RAB11FIP3: variants seen among roughly 807,000 people sequenced by gnomAD.
RAB11FIP3 encodes the protein RAB11 family interacting protein 3.
A neutral mutation model predicts 77.8 loss-of-function variants in RAB11FIP3; 17 were observed. The observed-to-expected ratio is 0.22, with a 90% CI of 0.15 to 0.33. The LOEUF is 0.33. Ranked by LOEUF, RAB11FIP3 falls within the 10% of genes least tolerant of loss-of-function variation. The probability of loss-of-function intolerance (pLI) is 1.00; values close to 1 mark genes in which losing one functional copy is unlikely to be tolerated. For synonymous variants in RAB11FIP3, 437 were observed against 448.2 expected (o/e 0.98, Z 0.31); for missense variants, 1,005 against 1,011.2 (o/e 0.99, Z 0.08).
rs114284079 is a variant in RAB11FIP3, at chr16:458,771, C to T, written c.715-2633C>T. The stretch of plus-strand genomic sequence containing the variant: ...AGAGGGGCTTTCTTCAGGAGTCTGC[C>T]CCCTCTGTGGCTGAATGCTGCCTCC... On this transcript the variant is annotated intron_variant, in intron 1 of 13. Coordinates refer to ENST00000262305, the MANE Select transcript of RAB11FIP3 (RefSeq NM_014700.4). Among the ~76,000 whole-genome samples the T allele has an allele frequency of 4.2e-3, 631 of 151,766 alleles. 7 individuals are homozygous for T. Among genetic ancestry groups the T allele is most frequent in the African/African-American group, 0.015 (595 of 41,018 alleles).
intron 10 of RAB11FIP3, 115 bp downstream of exon 10, chr16:519,139 G>A (rs2141909007): frequency 1.7e-6 from 2 of 1,152,212 alleles, no homozygotes; most frequent in Middle Eastern, 4.6e-4. Context: ...CTGTGTGTGA[G>A]GGAACGGGGC....
Position 503,755 on chromosome 16 carries a change from CTG to C in RAB11FIP3, c.1395+660_1395+661del, listed in dbSNP as rs1187852047. Among the ~76,000 whole-genome samples, 16 of 152,160 alleles carry C rather than the reference CTG, an allele frequency of 1.1e-4. No individual in the cohort carries two copies. In the East Asian group the frequency reaches 3.1e-3, roughly 29 times the overall value. On this transcript the variant is annotated intron_variant, in intron 7 of 13. Transcript: ENST00000262305. ...GTTAGCCACGCATGGTGGCGGGCAACTGTAATCCCAGCTATTTGGGAGGCTGA... is the reference window on the plus strand; with the variant it reads ...GTTAGCCACGCATGGTGGCGGGCAACTAATCCCAGCTATTTGGGAGGCTGA...
Position 470,082 on chromosome 16 carries a change from C to T in RAB11FIP3, c.809-1213C>T, listed in dbSNP as rs146920820. On this transcript the variant is annotated intron_variant, in intron 2 of 13. Coordinates refer to ENST00000262305, the MANE Select transcript of RAB11FIP3 (RefSeq NM_014700.4). ...TGTGATTTCGGCTCCCTGAAACATCCGCCTCCCAGGTTCAAGTGATTCTCC... is the reference window on the plus strand; with the variant it reads ...TGTGATTTCGGCTCCCTGAAACATCTGCCTCCCAGGTTCAAGTGATTCTCC... 3.7e-3 allele frequency among the ~76,000 whole-genome samples: 562 copies of T among 152,084 alleles called. 3 individuals carry two copies. The highest frequency in any genetic ancestry group is 7.6e-3 in the Admixed American group (116 of 15,264).
rs1333977041 is a variant in RAB11FIP3, at chr16:506,992, G to A, written c.1499+1365G>A. 1.3e-5 allele frequency among the ~76,000 whole-genome samples: 2 copies of A among 152,096 alleles called. No individual in the cohort carries two copies. Among genetic ancestry groups the A allele is most frequent in the Non-Finnish European group, 2.9e-5 (2 of 68,006 alleles). Reference sequence around the variant, plus strand: ...TTTTGTTTTGTTTTTTGAGAGACAGGGCCTCGCTCTGTTGCTCAGGCTGAG... The same window carrying A: ...TTTTGTTTTGTTTTTTGAGAGACAGAGCCTCGCTCTGTTGCTCAGGCTGAG... On this transcript the variant is annotated intron_variant, in intron 8 of 13. Transcript: ENST00000262305. This position sits in a 1 kb window ranked among gnomAD's most constrained non-coding sequence, Gnocchi z 4.5.
chr16:454,259 G>C (rs1467148853), intron 1 of RAB11FIP3, among the ~76,000 whole-genome samples: 2 of 152,132 alleles, frequency 1.3e-5, no homozygotes, highest in African/African-American at 2.4e-5. Flanking sequence ...ATAGTAGTTG[G>C]TGCAAAGCTG....
intron 1 of RAB11FIP3, among the ~76,000 whole-genome samples, chr16:429,689 G>A (rs2055005773): frequency 1.3e-5 from 2 of 152,018 alleles, no homozygotes; most frequent in African/African-American, 2.4e-5. Context: ...TAGTAGAGAC[G>A]GTTTTGCCAT....
At chr16:442,088 C>T (rs1000522153) in intron 1 of RAB11FIP3, among the ~76,000 whole-genome samples, 8 of 152,214 alleles carry the variant, frequency 5.3e-5, no homozygotes, top group Non-Finnish European at 4.4e-5. Flanking sequence ...CCGCCCACTT[C>T]GGCCTCCCAA....
intron 7 of RAB11FIP3, 151 bp downstream of exon 7, chr16:503,248 C>T (rs1350737752): frequency 4.4e-5 from 27 of 613,230 alleles, no homozygotes; most frequent in Non-Finnish European, 6.7e-5. Context: ...CATCCAGCCC[C>T]GATGCTCTTT....
chr16:426,304 C>G lies in RAB11FIP3; in HGVS notation c.298C>G (p.Leu100Val), dbSNP rs1478158036. The change falls in exon 1 of 14, where the codon CTT (leucine) becomes GTT (valine). Residue 100 changes from leucine to valine, a missense_variant. Transcript: ENST00000262305. This position sits in a 1 kb window ranked among gnomAD's most constrained non-coding sequence, Gnocchi z 5.0. ...GCCGCGCTCCGGCCCGCGGGGGCAG[C>G]TTGCGAGCCCCGACGCCCCGGGCCC... ...PPPRSGPRGQ[L>V]ASPDAPGPGP... 7.8e-7 allele frequency: 1 copy of G among 1,285,934 alleles called. No homozygotes were observed. 79.7% of individuals were successfully genotyped at this position (1,285,934 alleles called of 1,614,324 possible).
Position 461,991 on chromosome 16 carries a change from T to A in RAB11FIP3, c.808+494T>A, listed in dbSNP as rs1471868719. On this transcript the variant is annotated intron_variant, in intron 2 of 13. Coordinates refer to ENST00000262305, the MANE Select transcript of RAB11FIP3 (RefSeq NM_014700.4). The surrounding 1 kb of genome is among the most constrained non-coding windows in gnomAD (Gnocchi z 4.5). ...CCGTACCACCATCGTTCCCTAGAGC[T>A]CAGTGTTTGTTTCCAGTCTTCCTTT... Among the ~76,000 whole-genome samples the A allele has an allele frequency of 6.6e-6, 1 of 152,168 alleles. No homozygotes were observed. Among genetic ancestry groups the A allele is most frequent in the Non-Finnish European group, 1.5e-5 (1 of 68,042 alleles).
chr16:437,312 T>TA (rs1002830724), intron 1 of RAB11FIP3, among the ~76,000 whole-genome samples: 1 of 151,698 alleles, frequency 6.6e-6, no homozygotes, highest in African/African-American at 2.4e-5. Context: ...CTCATGCCTG[T>TA]AATCCTAGCA....
In RAB11FIP3 at chr16:522,629, A is replaced by G. The variant is rs1368920698; in HGVS notation, c.*1790A>G. The G allele has an allele frequency of 6.6e-6, 1 of 152,216 alleles. No homozygotes were observed. Among genetic ancestry groups the G allele is most frequent in the African/African-American group, 2.4e-5 (1 of 41,450 alleles). The allele number at this position is 152,216 out of a possible 1,614,324, so 9.4% of individuals were successfully genotyped here. On this transcript the variant is annotated 3_prime_UTR_variant, in exon 14 of 14. Coordinates refer to ENST00000262305, the MANE Select transcript of RAB11FIP3 (RefSeq NM_014700.4). ...CTGCCTGGCTCTGCAGCTTGGTCAG[A>G]CTAAGACCCTTCCAAGGCCGTAGGA...
chr16:445,724 C>T (rs1596201358), intron 1 of RAB11FIP3, among the ~76,000 whole-genome samples: 4 of 151,868 alleles, frequency 2.6e-5, no homozygotes, highest in Admixed American at 2.6e-4. Flanking sequence ...CTGGGAGCCA[C>T]AGATTAGAAC....
In RAB11FIP3 at chr16:436,239, G is replaced by A. The variant is rs142816678; in HGVS notation, c.714+9519G>A. On this transcript the variant is annotated intron_variant, in intron 1 of 13. Transcript: ENST00000262305. ...CAGGAGAATTGCTTGAATCCGAGAG[G>A]CGGAGGTTACAGTGAGCCAAGATCG... Among the ~76,000 whole-genome samples the A allele has an allele frequency of 8.5e-3, 1,296 of 152,240 alleles. 15 individuals carry two copies. The highest frequency in any genetic ancestry group is 0.031 in the Middle Eastern group (9 of 294).
chr16:518,384 A>G (rs1197594238), intron 9 of RAB11FIP3, among the ~76,000 whole-genome samples: 1 of 152,206 alleles, frequency 6.6e-6, no homozygotes, highest in Non-Finnish European at 1.5e-5. Flanking sequence ...CTCGCCTTCA[A>G]CTTTTCTGTA....
At chr16:459,662 C>G (rs933421314) in intron 1 of RAB11FIP3, among the ~76,000 whole-genome samples, 1 of 151,718 alleles carries the variant, frequency 6.6e-6, no homozygotes, top group African/African-American at 2.4e-5. Flanking sequence ...GTCTGGAACC[C>G]CTGACCTTCG....
At chr16:519,727 A>G (rs2032583625) in intron 10 of RAB11FIP3, 27 bp from the exon 11 acceptor site, 1 of 1,608,748 alleles carries the variant, frequency 6.2e-7, no homozygotes, top group South Asian at 1.1e-5. Context: ...CGTGACCCGC[A>G]TCCAGGGCAG....
chr16:434,360 G>T (rs1372112399), intron 1 of RAB11FIP3, among the ~76,000 whole-genome samples: 1 of 152,198 alleles, frequency 6.6e-6, no homozygotes, highest in East Asian at 1.9e-4. Flanking sequence ...CTGACCTCAA[G>T]TGATCTGCGT....
chr16:426,184 C>T lies in RAB11FIP3; in HGVS notation c.178C>T (p.Pro60Ser). Residue 60 changes from proline (P) to serine (S), a missense_variant, in exon 1 of 14, where the codon CCC becomes TCC. By Grantham distance (74) the Pro-to-Ser change is moderately conservative. Coordinates refer to ENST00000262305, the MANE Select transcript of RAB11FIP3 (RefSeq NM_014700.4). This position sits in a 1 kb window ranked among gnomAD's most constrained non-coding sequence, Gnocchi z 5.0. ...GTCCCCGGGCCTGGATGAGCCTGCG[C>T]CCGGGGCCGCTGCAGATGGCGGGGC... The part of the protein sequence containing the change: ...PQSPGLDEPA[P>S]GAAADGGARW... 1 of 1,016,444 alleles carries T rather than the reference C, an allele frequency of 9.8e-7. No homozygotes were observed. Among genetic ancestry groups the T allele is most frequent in the Non-Finnish European group, 1.2e-6 (1 of 852,142 alleles). 63.0% of individuals were successfully genotyped at this position (1,016,444 alleles called of 1,614,324 possible).
Sources: allele counts gnomAD v4.1 joint callset (sites outside exome capture counted in the v4.1 genomes callset), GRCh38; gene constraint gnomAD v4.1.1; non-coding constraint Gnocchi (gnomAD v3.1); transcripts MANE v1.5; gene names NCBI Gene and HGNC (gene_info 2026-07-23, HGNC 2026-07-21).